FCN1: variants seen among roughly 807,000 people sequenced by gnomAD.
FCN1 encodes the protein ficolin-1.
In FCN1, 42 loss-of-function variants were observed where a neutral mutation model predicts 35.6. That is an observed-to-expected ratio of 1.18 (90% CI 0.92 to 1.53). The LOEUF is 1.53. FCN1 is among the 40% of genes most tolerant of loss of function. The pLI, the probability that FCN1 is intolerant of heterozygous loss-of-function variation, is 0.00. For synonymous variants in FCN1, 179 were observed against 169.8 expected (o/e 1.05, Z -0.42); for missense variants, 439 against 428.4 (o/e 1.02, Z -0.22).
Position 134,904,230 on chromosome 9 carries a change from G to GA in FCN1, c.*5567dup, listed in dbSNP as rs1554733620. Among the ~76,000 whole-genome samples, 6 of 151,972 alleles carry GA rather than the reference G, an allele frequency of 3.9e-5. No individual in the cohort carries two copies. The highest frequency in any genetic ancestry group is 7.2e-5 in the African/African-American group (3 of 41,502). On this transcript the variant is annotated 3_prime_UTR_variant, in exon 9 of 9. Coordinates refer to ENST00000371806, the MANE Select transcript of FCN1 (RefSeq NM_002003.5). The stretch of plus-strand genomic sequence containing the variant: ...CTTGTAGTAAAACTATCAAGGCAAA[G>GA]AAAAAAAATTTTATAAATGTATTTT...
Position 134,912,604 on chromosome 9 carries a change from C to T in FCN1, c.480G>A (p.Arg160=). The T allele has an allele frequency of 6.2e-7, 1 of 1,614,162 alleles. No homozygotes were observed. Among genetic ancestry groups the T allele is most frequent in the Non-Finnish European group, 8.5e-7 (1 of 1,179,988 alleles). ...TDGGGWTVFQ[R]RMDGSVDFYR... ...AGAAGTCCACAGAGCCATCCATCCT[C>T]CGCTGGAAAACCTGTGAAGAAGCCA... The change falls in exon 7 of 9, where the codon CGG becomes CGA. Residue 160 remains arginine, a synonymous_variant. Transcript: ENST00000371806.
rs746234908 is a variant in FCN1 at position 134,913,110 on chromosome 9, C to T, written c.374G>A (p.Gly125Glu). The T allele has an allele frequency of 3.1e-6, 5 of 1,613,982 alleles. No homozygotes were observed. In the Admixed American group the frequency reaches 8.3e-5, roughly 27 times the overall value. The stretch of plus-strand genomic sequence containing the variant: ...GGTGTGCCAGCCGCTCAGGAAATAC[C>T]CCCGGTCTAGCAGGTCCTTGCAGTT... ...PRNCKDLLDR[G>E]YFLSGWHTIY... is the part of the protein sequence containing the mutation. The change falls in exon 6 of 9, where the codon GGG (glycine) becomes GAG (glutamate). Residue 125 changes from glycine (G) to glutamate (E), a missense_variant. Coordinates refer to ENST00000371806, the MANE Select transcript of FCN1 (RefSeq NM_002003.5).
intron 2 of FCN1, among the ~76,000 whole-genome samples, chr9:134,915,323 C>G (rs188008865): frequency 3.3e-5 from 5 of 152,302 alleles, no homozygotes; most frequent in Admixed American, 3.3e-4. Context: ...AAAGGTGACC[C>G]TCCCGTCCCC....
At position 134,917,736 on chromosome 9, in the gene FCN1, T is replaced by C. The variant is rs936410941; in HGVS notation, c.103+33A>G. The stretch of plus-strand genomic sequence containing the variant: ...GTCAGTGAGTGGGGTTGTTACCAGC[T>C]TTTAGGGACCAGAAAACCCAGGTCT... On this transcript the variant is annotated intron_variant, in intron 1 of 8. Transcript: ENST00000371806. 3 of 1,479,568 alleles carry C rather than the reference T, an allele frequency of 2.0e-6. 1 individual carries two copies. Among genetic ancestry groups the C allele is most frequent in the African/African-American group, 2.8e-5 (2 of 72,420 alleles). 91.7% of individuals were successfully genotyped at this position (1,479,568 alleles called of 1,614,324 possible).
At chr9:134,914,317 A>C in intron 4 of FCN1, 68 bp downstream of exon 4, 1 of 1,393,258 alleles carries the variant, frequency 7.2e-7, no homozygotes, top group Non-Finnish European at 1.0e-6. Context: ...AGGCGGACTG[A>C]GGCCTCTGAG....
In FCN1 at chr9:134,911,238, C is replaced by G. The variant is rs574679109; in HGVS notation, c.628G>C (p.Asp210His). ...GSSELRVDLV[D>H]FEGNHQFAKY... ...GCAAACTGGTGGTTGCCCTCAAAGT[C>G]CACCAGGTCTACACGGAGCTCGCTG... The change falls in exon 8 of 9, where the codon GAC becomes CAC. Residue 210 changes from aspartate to histidine, a missense_variant. By Grantham distance (81) the Asp-to-His change is moderately conservative. Coordinates refer to ENST00000371806, the MANE Select transcript of FCN1 (RefSeq NM_002003.5). 1 of 1,614,080 alleles carries G rather than the reference C, an allele frequency of 6.2e-7. No individual in the cohort carries two copies. Among genetic ancestry groups the G allele is most frequent in the African/African-American group, 1.3e-5 (1 of 75,030 alleles).
chr9:134,917,780 T>A lies in FCN1; in HGVS notation c.92A>T (p.Asp31Val). The A allele has an allele frequency of 6.2e-7, 1 of 1,612,764 alleles. No homozygotes were observed. Among genetic ancestry groups the A allele is most frequent in the Non-Finnish European group, 8.5e-7 (1 of 1,178,838 alleles). Residue 31 changes from aspartate to valine, a missense_variant, in exon 1 of 9, where the codon GAC becomes GTC. Transcript: ENST00000371806. ...HIKNLPAQAA[D>V]TCPEVKVVGL... ...CAGGTCTGTCTCACCTGGACATGTG[T>A]CCGCAGCCTGGGCAGGCAGGTTCTT... is the stretch of plus-strand genomic sequence containing the variant.
chr9:134,911,021 G>A, intron 8 of FCN1, 112 bp downstream of exon 8: 1 of 1,103,998 alleles, frequency 9.1e-7, no homozygotes, highest in Admixed American at 2.0e-5. Flanking sequence ...CTTCATAGAT[G>A]GAGAAATGGG....
At position 134,917,098 on chromosome 9, in the gene FCN1, C is replaced by T. The variant is rs373971610; in HGVS notation, c.104-637G>A. Among the ~76,000 whole-genome samples the T allele has an allele frequency of 1.1e-4, 16 of 152,364 alleles. No individual in the cohort carries two copies. In the East Asian group the frequency reaches 1.4e-3, roughly 13 times the overall value. ...AAGGGCGCTCTTAGAGACCATGGAACGGAGCAGTGCTCTCACCGGAGACAT... is the reference window on the plus strand; with the variant it reads ...AAGGGCGCTCTTAGAGACCATGGAATGGAGCAGTGCTCTCACCGGAGACAT... On this transcript the variant is annotated intron_variant, in intron 1 of 8. Transcript: ENST00000371806.
Position 134,907,390 on chromosome 9 carries a change from C to T in FCN1, c.*2408G>A, listed in dbSNP as rs926494672. 2.0e-5 allele frequency: 3 copies of T among 152,198 alleles called. No homozygotes were observed. The allele number at this position is 152,198 out of a possible 1,614,324, so 9.4% of individuals were successfully genotyped here. ...TCATGTTCCTGGATCCAAGCATGTG[C>T]AGTTTCTTTATAAGTAGTTTTTAAA... On this transcript the variant is annotated 3_prime_UTR_variant, in exon 9 of 9. Transcript: ENST00000371806.
chr9:134,912,476 G>A lies in FCN1; in HGVS notation c.598+10C>T. On this transcript the variant is annotated intron_variant, in intron 7 of 8. Coordinates refer to ENST00000371806, the MANE Select transcript of FCN1 (RefSeq NM_002003.5). ...GCCCCCCAACCCCTGAGCCACGGCA[G>A]TGGCCCTACCCTGGGCAGTCAGGGC... 1.2e-6 allele frequency: 2 copies of A among 1,613,158 alleles called. No individual in the cohort carries two copies. The highest frequency in any genetic ancestry group is 1.7e-6 in the Non-Finnish European group (2 of 1,179,502).
chr9:134,913,546 G>A (rs752560461), intron 5 of FCN1, 35 bp downstream of exon 5: 3 of 1,585,078 alleles, frequency 1.9e-6, no homozygotes, highest in African/African-American at 1.3e-5. Flanking sequence ...GTGGGGGCAA[G>A]GCTTGGGTAC....
chr9:134,905,966 T>TCCCTCTCC lies in FCN1; in HGVS notation c.*3831_*3832insGGAGAGGG, dbSNP rs1342559517. 23 of 118,902 alleles carry TCCCTCTCC rather than the reference T, an allele frequency of 1.9e-4. No homozygotes were observed. Among genetic ancestry groups the TCCCTCTCC allele is most frequent in the Middle Eastern group, 3.8e-3 (1 of 264 alleles). 7.4% of individuals were successfully genotyped at this position (118,902 alleles called of 1,614,324 possible). A position where few individuals can be genotyped will look rare whatever the true frequency, so the allele number is the denominator to read the frequency against. ...CTCCCTCTCCCTCTCCCTCTCCCTC[T>TCCCTCTCC]TTCTCCTTCTTCTTCTTCTTCTTTT... On this transcript the variant is annotated 3_prime_UTR_variant, in exon 9 of 9. Transcript: ENST00000371806.
intron 7 of FCN1, 88 bp downstream of exon 7, chr9:134,912,398 A>C: frequency 7.3e-7 from 1 of 1,371,956 alleles, no homozygotes; most frequent in Non-Finnish European, 9.9e-7. Flanking sequence ...CTGTGGGCCA[A>C]GAGGTGCTTA....
intron 8 of FCN1, 34 bp from the exon 9 acceptor site, chr9:134,910,079 G>A (rs1399648530): frequency 2.6e-5 from 41 of 1,598,124 alleles, no homozygotes; most frequent in Non-Finnish European, 3.3e-5. Flanking sequence ...TGCAGATGCT[G>A]GAAAAAGCCC....
At position 134,914,827 on chromosome 9, in the gene FCN1, A is replaced by G; in HGVS notation, c.218-18T>C. On this transcript the variant is annotated intron_variant, in intron 2 of 8. Coordinates refer to ENST00000371806, the MANE Select transcript of FCN1 (RefSeq NM_002003.5). ...GCGTTCTCCTGAAAATTCCAAAGAC[A>G]TATCACTGAGAAAAATGCAACCTAA... 3.1e-6 allele frequency: 5 copies of G among 1,606,036 alleles called. No individual in the cohort carries two copies. The highest frequency in any genetic ancestry group is 2.2e-5 in the East Asian group (1 of 44,798).
In FCN1 at chr9:134,908,031, C is replaced by G. The variant is rs1403396597; in HGVS notation, c.*1767G>C. 6.6e-6 allele frequency: 1 copy of G among 152,200 alleles called. No individual in the cohort carries two copies. The highest frequency in any genetic ancestry group is 1.5e-5 in the Non-Finnish European group (1 of 68,044). The allele number at this position is 152,200 out of a possible 1,614,324, so 9.4% of individuals were successfully genotyped here. ...TGCCAAGCCATTTTCCAGGTTGGTTCCATCAATTCGCATTGTTACTAGCAG... is the reference window on the plus strand; with the variant it reads ...TGCCAAGCCATTTTCCAGGTTGGTTGCATCAATTCGCATTGTTACTAGCAG... On this transcript the variant is annotated 3_prime_UTR_variant, in exon 9 of 9. Coordinates refer to ENST00000371806, the MANE Select transcript of FCN1 (RefSeq NM_002003.5).
At chr9:134,913,213 G>T in intron 5 of FCN1, 70 bp from the exon 6 acceptor site, 4 of 1,590,162 alleles carry the variant, frequency 2.5e-6, no homozygotes, top group Middle Eastern at 3.3e-4. Context: ...TGGGAGGGAG[G>T]CCCAGGAGGG....
rs745363395 is a variant in FCN1, at chr9:134,916,330, C to T, written c.217+18G>A. ...GTGCCCCTGCCATGCCTGGCCTCCC[C>T]ACCCGGCCCGCACCTACCTCTCTCT... On this transcript the variant is annotated intron_variant, in intron 2 of 8. Coordinates refer to ENST00000371806, the MANE Select transcript of FCN1 (RefSeq NM_002003.5). The T allele has an allele frequency of 2.5e-6, 4 of 1,594,850 alleles. No homozygotes were observed. The highest frequency in any genetic ancestry group is 1.3e-5 in the African/African-American group (1 of 74,550).
Sources: allele counts gnomAD v4.1 joint callset (sites outside exome capture counted in the v4.1 genomes callset), GRCh38; gene constraint gnomAD v4.1.1; transcripts MANE v1.5; gene names NCBI Gene and HGNC (gene_info 2026-07-23, HGNC 2026-07-21).